LRRC4C: variants seen among roughly 807,000 people sequenced by gnomAD.
LRRC4C encodes leucine-rich repeat-containing protein 4C.
A neutral mutation model predicts 33.6 loss-of-function variants in LRRC4C; 5 were observed. The observed-to-expected ratio is 0.15, with a 90% CI of 0.08 to 0.31. LRRC4C has a LOEUF of 0.31. Ranked by LOEUF, LRRC4C falls within the 10% of genes least tolerant of loss-of-function variation. LRRC4C has a pLI of 1.00. For missense variants in LRRC4C, 560 were observed against 796.7 expected, an observed-to-expected ratio of 0.70 and a Z score of 3.58; for synonymous variants, 329 against 302.0, an observed-to-expected ratio of 1.09 and a Z score of -0.93.
intron 3 of LRRC4C, among the ~76,000 whole-genome samples, chr11:40,400,982 T>C (rs1054748862): frequency 3.3e-5 from 5 of 152,146 alleles, no homozygotes; most frequent in Admixed American, 2.6e-4. Flanking sequence ...ATATCACCAT[T>C]ACTTAGCATA....
intron 3 of LRRC4C, among the ~76,000 whole-genome samples, chr11:40,469,439 C>T (rs1328763916): frequency 6.6e-6 from 1 of 152,090 alleles, no homozygotes; most frequent in Non-Finnish European, 1.5e-5. Context: ...GGGTTTCAAG[C>T]ACCAAACTGG....
intron 2 of LRRC4C, among the ~76,000 whole-genome samples, chr11:40,687,029 T>C (rs577550614): frequency 6.6e-6 from 1 of 152,124 alleles, no homozygotes; most frequent in South Asian, 2.1e-4. Flanking sequence ...GTACCCACAT[T>C]ACGGTTTGAG....
At chr11:40,229,291 G>C (rs1865029675) in intron 5 of LRRC4C, among the ~76,000 whole-genome samples, 1 of 149,714 alleles carries the variant, frequency 6.7e-6, no homozygotes, top group South Asian at 2.1e-4. Flanking sequence ...ATATTTTTTT[G>C]AGATGGAGTC....
chr11:40,581,297 A>G (rs1430028842), intron 3 of LRRC4C, among the ~76,000 whole-genome samples: 4 of 152,234 alleles, frequency 2.6e-5, no homozygotes, highest in South Asian at 2.1e-4. Context: ...TGTAAAACTG[A>G]TGATTAAAAC....
intron 2 of LRRC4C, among the ~76,000 whole-genome samples, chr11:40,881,000 G>A (rs1412036001): frequency 2.6e-5 from 4 of 151,810 alleles, no homozygotes; most frequent in Non-Finnish European, 5.9e-5. Flanking sequence ...CAGAGAATAA[G>A]CAACATTCTT....
chr11:41,228,647 C>CT (rs373418262), intron 1 of LRRC4C, among the ~76,000 whole-genome samples: 35 of 152,172 alleles, frequency 2.3e-4, no homozygotes, highest in Middle Eastern at 3.4e-3. Flanking sequence ...AGATTGATAT[C>CT]TTTTTTTGCT....
rs187598303 is a variant in LRRC4C at position 40,226,428 on chromosome 11, C to G, written c.-96+15091G>C. On this transcript the variant is annotated intron_variant, in intron 5 of 6. Transcript: ENST00000528697. ...TCCCAGAATGCAGTTGTTGCCTTGG[C>G]AAATGGCATGGATTGTTGCCAATAA... Among the ~76,000 whole-genome samples, 228 of 152,342 alleles carry G rather than the reference C, an allele frequency of 1.5e-3. 1 individual carries two copies. The highest frequency in any genetic ancestry group is 2.8e-3 in the Non-Finnish European group (193 of 68,032).
intron 1 of LRRC4C, among the ~76,000 whole-genome samples, chr11:41,339,218 A>G (rs1951553324): frequency 6.6e-6 from 1 of 152,222 alleles, no homozygotes; most frequent in African/African-American, 2.4e-5. Context: ...CACAATGAAG[A>G]TGATAACTTA....
chr11:40,377,647 A>G (rs1440978010), intron 3 of LRRC4C, among the ~76,000 whole-genome samples: 1 of 152,072 alleles, frequency 6.6e-6, no homozygotes, highest in African/African-American at 2.4e-5. Flanking sequence ...TACAGACTGG[A>G]ATATTACTAT....
At chr11:41,101,748 A>G (rs983434005) in intron 1 of LRRC4C, among the ~76,000 whole-genome samples, 1 of 152,194 alleles carries the variant, frequency 6.6e-6, no homozygotes, top group Non-Finnish European at 1.5e-5. Flanking sequence ...GAATCAACCT[A>G]AATGTCCATT....
intron 1 of LRRC4C, among the ~76,000 whole-genome samples, chr11:41,395,942 C>G (rs1204335119): frequency 6.6e-6 from 1 of 152,036 alleles, no homozygotes; most frequent in African/African-American, 2.4e-5. Context: ...GAAGATCAAA[C>G]TTGTCCAATC....
At chr11:41,011,407 T>C (rs1005557186) in intron 1 of LRRC4C, among the ~76,000 whole-genome samples, 1 of 152,196 alleles carries the variant, frequency 6.6e-6, no homozygotes, top group Non-Finnish European at 1.5e-5. Context: ...CTAATTGTTC[T>C]AGTGTTTTGT....
chr11:40,663,733 C>A (rs1300297063), intron 2 of LRRC4C, among the ~76,000 whole-genome samples: 1 of 152,114 alleles, frequency 6.6e-6, no homozygotes, highest in Non-Finnish European at 1.5e-5. Context: ...GAGAGAATTT[C>A]TAAATTTGTA....
At chr11:41,357,701 T>C (rs1242908720) in intron 1 of LRRC4C, among the ~76,000 whole-genome samples, 1 of 152,110 alleles carries the variant, frequency 6.6e-6, no homozygotes, top group Non-Finnish European at 1.5e-5. Context: ...GTATATCTAA[T>C]GCATACTAGA....
At chr11:40,939,928 G>A (rs1186579164) in intron 1 of LRRC4C, among the ~76,000 whole-genome samples, 2 of 152,134 alleles carry the variant, frequency 1.3e-5, no homozygotes, top group African/African-American at 4.8e-5. Context: ...ATCAAGGACA[G>A]CACCTGCACT....
intron 1 of LRRC4C, among the ~76,000 whole-genome samples, chr11:41,024,763 G>T (rs1856224199): frequency 6.6e-6 from 1 of 151,466 alleles, no homozygotes; most frequent in Non-Finnish European, 1.5e-5. Context: ...ATAACTCTTT[G>T]CTTTATTGTG....
At chr11:41,240,650 T>A (rs1417183146) in intron 1 of LRRC4C, among the ~76,000 whole-genome samples, 1 of 152,118 alleles carries the variant, frequency 6.6e-6, no homozygotes, top group African/African-American at 2.4e-5. Context: ...GATTCTTAAT[T>A]GATTCTGGTA....
At chr11:40,186,229 A>G (rs1198396075) in intron 5 of LRRC4C, among the ~76,000 whole-genome samples, 2 of 152,188 alleles carry the variant, frequency 1.3e-5, no homozygotes, top group African/African-American at 4.8e-5. Flanking sequence ...GGAGTCTACA[A>G]TGTGGTAGGA....
chr11:40,928,000 T>C, intron 2 of LRRC4C, among the ~76,000 whole-genome samples: 1 of 152,112 alleles, frequency 6.6e-6, no homozygotes, highest in East Asian at 1.9e-4. Flanking sequence ...AGTAGATCCA[T>C]AACTTTTATG....
Sources: gnomAD v4.1 joint callset for allele counts (sites outside exome capture counted in the v4.1 genomes callset) on GRCh38, gnomAD v4.1.1 for gene constraint, MANE v1.5 for transcripts, NCBI Gene and HGNC (gene_info 2026-07-23, HGNC 2026-07-21) for gene names.